The following NBAS variants were observed in gnomAD, a reference collection of about 807,000 sequenced individuals.
NBAS encodes NAG/BC035112 fusion.
In NBAS, 219 loss-of-function variants were observed where a neutral mutation model predicts 302.5. The ratio of observed to expected loss-of-function variants is 0.72; its 90% CI spans 0.65 to 0.81. The LOEUF is 0.81. Among genes scored for constraint, NBAS ranks in the 30% least tolerant of loss-of-function variants. NBAS has a pLI of 0.00. For missense variants in NBAS, 2,932 were observed against 2,841.6 expected (o/e 1.03, Z -0.72); for synonymous variants, 1,118 against 1,021.6 (o/e 1.09, Z -1.80).
At chr2:15,413,225 T>G (rs1233878999) in intron 25 of NBAS, among the ~76,000 whole-genome samples, 1 of 152,204 alleles carries the variant, frequency 6.6e-6, no homozygotes, top group African/African-American at 2.4e-5. Flanking sequence ...CTTGCTACAT[T>G]TTTTATATTG....
chr2:15,536,452 T>C lies in NBAS; in HGVS notation c.613A>G (p.Asn205Asp). 2.5e-6 allele frequency: 4 copies of C among 1,613,708 alleles called. No individual in the cohort carries two copies. The highest frequency in any genetic ancestry group is 3.4e-6 in the Non-Finnish European group (4 of 1,179,968). ...AQWSAELLVI[N>D]YRGELRSYLV... ...TAACTTCTAAGTTCTCCTCGGTAAT[T>C]GATGACCAGGAGTTCTGCAGACCAC... is the stretch of plus-strand genomic sequence containing the variant. The change falls in exon 8 of 52, where the codon AAT becomes GAT. Residue 205 changes from asparagine (N) to aspartate (D), a missense_variant. Physicochemically the swap from Asn to Asp is conservative, Grantham distance 23. Transcript: ENST00000281513.
At chr2:15,536,684 T>C in intron 7 of NBAS, 133 bp from the exon 8 acceptor site, 1 of 852,100 alleles carries the variant, frequency 1.2e-6, no homozygotes, top group Non-Finnish European at 1.8e-6. Flanking sequence ...AATTGCTCTG[T>C]ATACTCAAGA....
the NBAS span, among the ~76,000 whole-genome samples, chr2:14,817,420 CTGTT>C: frequency 0.013 from 1,978 of 152,280 alleles, 48 homozygotes; most frequent in African/African-American, 0.044. Context: ...TTGCATGTGT[CTGTT>C]TGTCTGCCTG....
chr2:15,198,715 T>C (rs1665731137), intron 48 of NBAS, among the ~76,000 whole-genome samples: 3 of 152,228 alleles, frequency 2.0e-5, no homozygotes, highest in African/African-American at 4.8e-5. Context: ...AAACAAATGA[T>C]TAATATACAT....
In NBAS at chr2:15,554,328, A is replaced by G. The variant is rs1384166550; in HGVS notation, c.210-190T>C. Among the ~76,000 whole-genome samples the G allele has an allele frequency of 3.9e-5, 6 of 152,028 alleles. No homozygotes were observed. In the East Asian group the frequency reaches 7.7e-4, roughly 20 times the overall value. On this transcript the variant is annotated intron_variant, in intron 3 of 51. Coordinates refer to ENST00000281513, the MANE Select transcript of NBAS (RefSeq NM_015909.4). ...GAAATTTGACCATATATATTTCTCT[A>G]TTTCCAAAAAACACAGTGATGTGTT...
At chr2:15,039,994 T>A in the NBAS span, among the ~76,000 whole-genome samples, 1 of 152,180 alleles carries the variant, frequency 6.6e-6, no homozygotes, top group Non-Finnish European at 1.5e-5. Flanking sequence ...CGGTGATCCA[T>A]CTTCCCCGTC....
At position 15,275,541 on chromosome 2, in the gene NBAS, T is replaced by A. The variant is rs772021478; in HGVS notation, c.5667A>T (p.Pro1889=). 3 of 1,613,908 alleles carry A rather than the reference T, an allele frequency of 1.9e-6. No individual in the cohort carries two copies. In the East Asian group the frequency reaches 6.7e-5, roughly 36 times the overall value. Residue 1889 remains proline (P), a synonymous_variant, in exon 44 of 52, where the codon CCA becomes CCT. Transcript: ENST00000281513. ...VCMKYFDRLH[P]GDLITVVDAV... Reference sequence around the variant, plus strand: ...CATCTACCACAGTGATGAGGTCACCTGGGTGGAGACGATCAAAGTACTTCA... The same window carrying A: ...CATCTACCACAGTGATGAGGTCACCAGGGTGGAGACGATCAAAGTACTTCA...
rs1672164435 is a variant in NBAS, at chr2:15,328,195, T to C, written c.4461+4A>G. On this transcript the variant is annotated splice_donor_region_variant and intron_variant, in intron 37 of 51. Coordinates refer to ENST00000281513, the MANE Select transcript of NBAS (RefSeq NM_015909.4). Reference sequence around the variant, plus strand: ...ATCTATCTTCCTAGACACGCTGTCCTTACCTCAGCGACAAAAGGATTTGAG... The same window carrying C: ...ATCTATCTTCCTAGACACGCTGTCCCTACCTCAGCGACAAAAGGATTTGAG... 2 of 1,611,790 alleles carry C rather than the reference T, an allele frequency of 1.2e-6. No homozygotes were observed. The highest frequency in any genetic ancestry group is 2.7e-5 in the African/African-American group (2 of 74,842).
the NBAS span, among the ~76,000 whole-genome samples, chr2:14,784,159 G>C: frequency 1.3e-5 from 2 of 152,098 alleles, no homozygotes; most frequent in Non-Finnish European, 1.5e-5. Flanking sequence ...CCCACTTTTT[G>C]ATGGGGTTGT....
the NBAS span, among the ~76,000 whole-genome samples, chr2:15,125,007 C>T: frequency 2.0e-5 from 3 of 152,164 alleles, no homozygotes; most frequent in African/African-American, 7.2e-5. Context: ...GGGAAGGGGG[C>T]TGCCATCCTC....
Position 15,397,488 on chromosome 2 carries a change from G to A in NBAS, c.3072-1013C>T, listed in dbSNP as rs112273938. The A allele has an allele frequency of 9.1e-3, 4,983 of 544,916 alleles. 172 individuals carry two copies. The highest frequency in any genetic ancestry group is 0.075 in the African/African-American group (3,886 of 51,620). 33.8% of individuals were successfully genotyped at this position (544,916 alleles called of 1,614,324 possible). ...GCAGCACCCGCAGGTCAAAATTGGC[G>A]TGGGGGTGTTCGGTCCTTGCAGGCT... On this transcript the variant is annotated intron_variant, in intron 26 of 51. Coordinates refer to ENST00000281513, the MANE Select transcript of NBAS (RefSeq NM_015909.4).
intron 13 of NBAS, among the ~76,000 whole-genome samples, chr2:15,476,092 G>A (rs1021508440): frequency 6.6e-6 from 1 of 152,054 alleles, no homozygotes; most frequent in African/African-American, 2.4e-5. Context: ...CAAATTGAGC[G>A]CCAACAATTT....
chr2:15,189,840 T>C (rs1175842890), intron 49 of NBAS, among the ~76,000 whole-genome samples: 1 of 152,214 alleles, frequency 6.6e-6, no homozygotes, highest in Non-Finnish European at 1.5e-5. Flanking sequence ...CCTTCCCTTG[T>C]AGGTGTGTTG....
the NBAS span, among the ~76,000 whole-genome samples, chr2:14,887,125 C>G: frequency 6.6e-6 from 1 of 152,114 alleles, no homozygotes; most frequent in African/African-American, 2.4e-5. Flanking sequence ...TAGAGGTGGC[C>G]AGGCATGCTG....
intron 35 of NBAS, among the ~76,000 whole-genome samples, chr2:15,342,009 A>C (rs1387796801): frequency 6.6e-6 from 1 of 152,190 alleles, no homozygotes; most frequent in Non-Finnish European, 1.5e-5. Flanking sequence ...CTGAACAAAA[A>C]TTAATGAGGA....
At chr2:14,876,372 G>T in the NBAS span, among the ~76,000 whole-genome samples, 2 of 152,268 alleles carry the variant, frequency 1.3e-5, no homozygotes, top group Admixed American at 1.3e-4. Context: ...TTATTCCCCA[G>T]TTTCCTTATG....
chr2:14,830,845 ACTGT>A, the NBAS span, among the ~76,000 whole-genome samples: 1 of 152,146 alleles, frequency 6.6e-6, no homozygotes, highest in Non-Finnish European at 1.5e-5. Flanking sequence ...TGTGCTGATA[ACTGT>A]CTGACAGCCA....
intron 27 of NBAS, 79 bp from the exon 28 acceptor site, chr2:15,394,428 C>T (rs556338034): frequency 6.7e-7 from 1 of 1,494,862 alleles, no homozygotes; most frequent in East Asian, 2.3e-5. Context: ...AGAGGTAGCC[C>T]TTCAGTGTTT....
At chr2:15,472,526 G>T (rs984940879) in intron 16 of NBAS, among the ~76,000 whole-genome samples, 2 of 152,104 alleles carry the variant, frequency 1.3e-5, no homozygotes, top group African/African-American at 4.8e-5. Context: ...GCTGGTAGGG[G>T]TTTCCTGCTT....
Sources: gnomAD v4.1 joint callset for allele counts (sites outside exome capture counted in the v4.1 genomes callset) on GRCh38, gnomAD v4.1.1 for gene constraint, MANE v1.5 for transcripts, NCBI Gene and HGNC (gene_info 2026-07-23, HGNC 2026-07-21) for gene names.